Variants in FAM193A observed in about 807,000 individuals in gnomAD.
The protein encoded by FAM193A is protein FAM193A.
Under a neutral mutation model 126.5 loss-of-function variants are expected in FAM193A, and 22 were observed. The observed-to-expected ratio is 0.17, with a 90% CI of 0.12 to 0.25. The LOEUF (loss-of-function observed/expected upper bound fraction) is 0.25, where lower values mean the gene tolerates loss of function less well. Among genes scored for constraint, FAM193A ranks in the 10% least tolerant of loss-of-function variants. The pLI is 1.00. For synonymous variants in FAM193A, 761 were observed against 646.8 expected (o/e 1.18, Z -2.68); for missense variants, 1,675 against 1,672.8 (o/e 1.00, Z -0.02).
Position 2,696,555 on chromosome 4 carries a change from A to G in FAM193A, c.3469A>G (p.Thr1157Ala), listed in dbSNP as rs1281269488. ...NSSETKPVSS[T>A]RAAKRARHKQ... ...CTCCGAAACCAAACCAGTGAGCAGC[A>G]CGCGTGCAGCGAAGCGAGCAAGGCA... The change falls in exon 18 of 21, where the codon ACG (threonine) becomes GCG (alanine). Residue 1157 changes from threonine to alanine, a missense_variant. Physicochemically the swap from Thr to Ala is moderately conservative, Grantham distance 58. Transcript: ENST00000637812. The G allele has an allele frequency of 6.2e-7, 1 of 1,614,262 alleles. No individual in the cohort carries two copies. The highest frequency in any genetic ancestry group is 1.1e-5 in the South Asian group (1 of 91,090).
At chr4:2,603,492 AG>A (rs1741341153) in intron 2 of FAM193A, among the ~76,000 whole-genome samples, 2 of 115,196 alleles carry the variant, frequency 1.7e-5, no homozygotes, top group African/African-American at 6.9e-5. Context: ...AGTCTTGCTC[AG>A]TCACCCAGGC....
chr4:2,535,541 GC>G (rs916197676), upstream of FAM193A, among the ~76,000 whole-genome samples: 2 of 152,248 alleles, frequency 1.3e-5, no homozygotes, highest in Non-Finnish European at 2.9e-5. Context: ...GGTAAGCGGG[GC>G]CCTCCAGGGG....
chr4:2,730,203 C>G lies in FAM193A; in HGVS notation c.4455-1572C>G, dbSNP rs540691043. ...GAAAACAGGCATGAGCCACCATGGC[C>G]AGCTTCAGATCTCCTCTTTGGTGTC... On this transcript the variant is annotated intron_variant, in intron 20 of 20. Transcript: ENST00000637812. 2.0e-5 allele frequency among the ~76,000 whole-genome samples: 3 copies of G among 150,992 alleles called. No homozygotes were observed. The East Asian group carries it at 5.8e-4, about 29-fold the overall frequency.
At chr4:2,698,779 G>A (rs1363696122) in intron 18 of FAM193A, among the ~76,000 whole-genome samples, 1 of 152,162 alleles carries the variant, frequency 6.6e-6, no homozygotes, top group Non-Finnish European at 1.5e-5. Context: ...GAGTTTGTGT[G>A]CATCACTACT....
Position 2,540,468 on chromosome 4 carries a change from AAAAC to A in FAM193A, c.255+3315_255+3318del, listed in dbSNP as rs559818414. On this transcript the variant is annotated intron_variant, in intron 1 of 20. Coordinates refer to ENST00000637812, the MANE Select transcript of FAM193A (RefSeq NM_001366318.2). ...GGGCGACAGAGCGAGACTCCGTCTC[AAAAC>A]AAACAAACAAACAAACCCCAAAAAA... Among the ~76,000 whole-genome samples, 561 of 142,978 alleles carry A rather than the reference AAAAC, an allele frequency of 3.9e-3. 2 individuals are homozygous for A. Among genetic ancestry groups the A allele is most frequent in the African/African-American group, 0.01 (351 of 33,500 alleles). The allele number at this position is 142,978 out of a possible 152,430, so 93.8% of individuals were successfully genotyped here.
chr4:2,634,449 C>T (rs1358898607), intron 5 of FAM193A, among the ~76,000 whole-genome samples: 1 of 152,140 alleles, frequency 6.6e-6, no homozygotes, highest in East Asian at 1.9e-4. Flanking sequence ...AGGTTCATGA[C>T]AGCACAGTTA....
At chr4:2,585,035 T>C (rs1489129662) in intron 1 of FAM193A, among the ~76,000 whole-genome samples, 1 of 152,228 alleles carries the variant, frequency 6.6e-6, no homozygotes, top group African/African-American at 2.4e-5. Flanking sequence ...GTATATAACT[T>C]GTCTCACCCA....
intron 2 of FAM193A, among the ~76,000 whole-genome samples, chr4:2,613,767 T>C (rs867122513): frequency 2.0e-5 from 2 of 97,592 alleles, no homozygotes; most frequent in Admixed American, 1.8e-4. Context: ...TTTTTTTTTT[T>C]CTTTTTCTTT....
chr4:2,646,697 C>T lies in FAM193A; in HGVS notation c.1176C>T (p.Thr392=). 2 of 1,608,068 alleles carry T rather than the reference C, an allele frequency of 1.2e-6. No homozygotes were observed. Among genetic ancestry groups the T allele is most frequent in the Non-Finnish European group, 8.5e-7 (1 of 1,177,352 alleles). ...ALVSQIRLGT[T]THDTCSEDTY... is the part of the protein sequence containing the mutation. ...TTCTCTCTCCTAGGCTAGGAACCAC[C>T]ACACACGACACCTGCAGTGAGGACA... The change falls in exon 7 of 21, where the codon ACC becomes ACT. Residue 392 remains threonine, a synonymous_variant. Coordinates refer to ENST00000637812, the MANE Select transcript of FAM193A (RefSeq NM_001366318.2).
intron 1 of FAM193A, among the ~76,000 whole-genome samples, chr4:2,569,133 G>A (rs1176319311): frequency 6.6e-6 from 1 of 151,910 alleles, no homozygotes; most frequent in South Asian, 2.1e-4. Flanking sequence ...CCGCACCTGG[G>A]TAATTTTTTT....
chr4:2,679,633 C>A (rs1386421302), intron 13 of FAM193A, among the ~76,000 whole-genome samples: 1 of 152,000 alleles, frequency 6.6e-6, no homozygotes, highest in African/African-American at 2.4e-5. Context: ...CCGCCTCGGT[C>A]TCCCAAAGTG....
intron 6 of FAM193A, among the ~76,000 whole-genome samples, chr4:2,646,460 C>T (rs1248218453): frequency 6.6e-6 from 1 of 152,136 alleles, no homozygotes. Flanking sequence ...GTGTGAGCCA[C>T]TGTGCCCAGC....
At chr4:2,695,559 AAGAGGGATGGGTG>A (rs1716940255) in intron 17 of FAM193A, among the ~76,000 whole-genome samples, 1 of 152,202 alleles carries the variant, frequency 6.6e-6, no homozygotes, top group South Asian at 2.1e-4. Context: ...CCCACTGTTT[AAGAGGGATGGGTG>A]ACAGGAATAG....
At chr4:2,694,094 A>T (rs1716755391) in intron 16 of FAM193A, among the ~76,000 whole-genome samples, 1 of 152,196 alleles carries the variant, frequency 6.6e-6, no homozygotes, top group East Asian at 1.9e-4. Flanking sequence ...GTGGGCCGCC[A>T]TGGATAGGTG....
intron 1 of FAM193A, among the ~76,000 whole-genome samples, chr4:2,580,984 C>T (rs1460144753): frequency 1.3e-5 from 2 of 151,984 alleles, no homozygotes; most frequent in Admixed American, 1.3e-4. Flanking sequence ...AAAAAATTAG[C>T]CGGGTGTGGT....
intron 2 of FAM193A, among the ~76,000 whole-genome samples, chr4:2,603,508 G>A (rs1306523215): frequency 7.0e-6 from 1 of 142,818 alleles, no homozygotes; most frequent in Non-Finnish European, 1.5e-5. Flanking sequence ...CCAGGCTGGA[G>A]TGCAGTGGTG....
chr4:2,538,492 C>T (rs1024020025), intron 1 of FAM193A, among the ~76,000 whole-genome samples: 39 of 152,190 alleles, frequency 2.6e-4, no homozygotes, highest in African/African-American at 7.9e-4. Flanking sequence ...CGCGCCCGGC[C>T]GTTTTTATTA....
intron 1 of FAM193A, among the ~76,000 whole-genome samples, chr4:2,589,632 A>G (rs1349824618): frequency 2.0e-5 from 3 of 152,230 alleles, no homozygotes; most frequent in African/African-American, 7.2e-5. Flanking sequence ...CTAACTCATG[A>G]TATGATTGTT....
intron 1 of FAM193A, among the ~76,000 whole-genome samples, chr4:2,569,421 A>G (rs1739163688): frequency 6.6e-6 from 1 of 152,186 alleles, no homozygotes; most frequent in South Asian, 2.1e-4. Context: ...TAGTTTATCG[A>G]ATCCTATTTA....
Sources: allele counts gnomAD v4.1 joint callset (sites outside exome capture counted in the v4.1 genomes callset), GRCh38; gene constraint gnomAD v4.1.1; transcripts MANE v1.5; gene names NCBI Gene and HGNC (gene_info 2026-07-23, HGNC 2026-07-21).